The following CTNNA2 variants were observed in gnomAD, a reference collection of about 807,000 sequenced individuals.
CTNNA2 encodes catenin alpha-2.
In CTNNA2, 42 loss-of-function variants were observed where a neutral mutation model predicts 101.0. The ratio of observed to expected loss-of-function variants is 0.42; its 90% CI spans 0.32 to 0.54. CTNNA2 has a LOEUF of 0.54. Among genes scored for constraint, CTNNA2 ranks in the 20% least tolerant of loss-of-function variants. The pLI, the probability that CTNNA2 is intolerant of heterozygous loss-of-function variation, is 0.14. For missense variants in CTNNA2, 871 were observed against 1,223.1 expected, an observed-to-expected ratio of 0.71 and a Z score of 4.29; for synonymous variants, 450 against 456.4, an observed-to-expected ratio of 0.99 and a Z score of 0.18.
At position 80,639,925 on chromosome 2, in the gene CTNNA2, A is replaced by AC. The variant is rs1673283562; in HGVS notation, c.2575-7655dup. ...AGACCAGCCTGACCAACATGGTGAA[A>AC]CCCCCATCTCTACTAAAAATACACA... On this transcript the variant is annotated intron_variant, in intron 18 of 18. Coordinates refer to ENST00000402739, the MANE Select transcript of CTNNA2 (RefSeq NM_001282597.3). Among the ~76,000 whole-genome samples, 4 of 151,758 alleles carry AC rather than the reference A, an allele frequency of 2.6e-5. No homozygotes were observed. The South Asian group carries it at 8.3e-4, about 32-fold the overall frequency.
At chr2:79,949,071 A>C (rs2104485244) in intron 7 of CTNNA2, among the ~76,000 whole-genome samples, 1 of 152,328 alleles carries the variant, frequency 6.6e-6, no homozygotes, top group African/African-American at 2.4e-5. Context: ...TATGAGCCAT[A>C]GAAGTTGGAG....
chr2:80,198,566 C>T (rs1706994103), intron 7 of CTNNA2, among the ~76,000 whole-genome samples: 1 of 147,624 alleles, frequency 6.8e-6, no homozygotes, highest in Admixed American at 6.6e-5. Flanking sequence ...GATTTTTTAA[C>T]AGTGTGCTTT....
At chr2:80,398,332 A>G (rs942178991) in intron 8 of CTNNA2, among the ~76,000 whole-genome samples, 2 of 152,206 alleles carry the variant, frequency 1.3e-5, no homozygotes, top group African/African-American at 2.4e-5. Flanking sequence ...TCATAAGGAT[A>G]TGAGGCTATC....
intron 7 of CTNNA2, among the ~76,000 whole-genome samples, chr2:80,014,947 A>G (rs1048105957): frequency 1.3e-5 from 2 of 152,174 alleles, no homozygotes; most frequent in Non-Finnish European, 2.9e-5. Flanking sequence ...GAATCTGGAG[A>G]TGCCATGATG....
intron 18 of CTNNA2, among the ~76,000 whole-genome samples, chr2:80,625,793 G>C (rs920185316): frequency 6.6e-6 from 1 of 151,990 alleles, no homozygotes; most frequent in African/African-American, 2.4e-5. Flanking sequence ...CTATGTGAAA[G>C]CATCTGACTT....
chr2:79,406,987 G>A (rs909472658), intron 4 of CTNNA2, among the ~76,000 whole-genome samples: 2 of 151,978 alleles, frequency 1.3e-5, no homozygotes, highest in African/African-American at 4.8e-5. Flanking sequence ...TTCATTTATA[G>A]GACCTTCTTT....
intron 7 of CTNNA2, chr2:80,304,092 GA>G: frequency 2.7e-6 from 1 of 364,538 alleles, no homozygotes. Context: ...CTGCAGCAAA[GA>G]AAAGGGAGGA....
chr2:79,634,132 G>T (rs555596914), intron 1 of CTNNA2, among the ~76,000 whole-genome samples: 3 of 152,316 alleles, frequency 2.0e-5, no homozygotes, highest in African/African-American at 4.8e-5. Context: ...TTTGGTGGCT[G>T]AGAGGTACAG....
At chr2:79,725,601 C>T (rs1686787817) in intron 2 of CTNNA2, among the ~76,000 whole-genome samples, 1 of 152,180 alleles carries the variant, frequency 6.6e-6, no homozygotes, top group African/African-American at 2.4e-5. Context: ...CATAACTATA[C>T]TCATTCAAGG....
intron 7 of CTNNA2, among the ~76,000 whole-genome samples, chr2:80,086,680 G>A (rs775053817): frequency 6.6e-6 from 1 of 152,022 alleles, no homozygotes; most frequent in African/African-American, 2.4e-5. Context: ...AGGTTATTAA[G>A]TTTATCTATA....
intron 3 of CTNNA2, among the ~76,000 whole-genome samples, chr2:79,372,462 G>A (rs1025666071): frequency 6.6e-6 from 1 of 152,084 alleles, no homozygotes; most frequent in Non-Finnish European, 1.5e-5. Context: ...TATCCTACTC[G>A]AGGTTCTACC....
At chr2:80,016,524 A>T (rs1272931870) in intron 7 of CTNNA2, among the ~76,000 whole-genome samples, 1 of 152,154 alleles carries the variant, frequency 6.6e-6, no homozygotes, top group Non-Finnish European at 1.5e-5. Flanking sequence ...AATATTAACT[A>T]TTTCAGGAAA....
intron 6 of CTNNA2, among the ~76,000 whole-genome samples, chr2:79,885,986 T>A (rs894867263): frequency 1.7e-4 from 26 of 152,224 alleles, no homozygotes; most frequent in Non-Finnish European, 3.2e-4. Context: ...CTAAGATCAT[T>A]CATTCAAAGT....
intron 9 of CTNNA2, among the ~76,000 whole-genome samples, chr2:80,471,718 T>G (rs1685317570): frequency 6.6e-6 from 1 of 152,182 alleles, no homozygotes; most frequent in South Asian, 2.1e-4. Flanking sequence ...CTTATTTACT[T>G]CGATATACCA....
intron 6 of CTNNA2, among the ~76,000 whole-genome samples, chr2:79,883,160 G>C (rs1394467027): frequency 6.6e-6 from 1 of 152,194 alleles, no homozygotes; most frequent in Non-Finnish European, 1.5e-5. Context: ...AATTGAATTT[G>C]AAACACACTT....
Position 80,451,237 on chromosome 2 carries a change from G to T in CTNNA2, c.1290+31636G>T, listed in dbSNP as rs572714709. 4.6e-5 allele frequency among the ~76,000 whole-genome samples: 7 copies of T among 152,194 alleles called. 1 individual carries two copies. The East Asian group carries it at 5.8e-4, about 13-fold the overall frequency. Reference sequence around the variant, plus strand: ...CCATGTCTCCTGGGAAGGACCCACTGGGAGGTTATTGAATCATGAGGGCAG... The same window carrying T: ...CCATGTCTCCTGGGAAGGACCCACTTGGAGGTTATTGAATCATGAGGGCAG... On this transcript the variant is annotated intron_variant, in intron 9 of 18. Coordinates refer to ENST00000402739, the MANE Select transcript of CTNNA2 (RefSeq NM_001282597.3).
intron 7 of CTNNA2, among the ~76,000 whole-genome samples, chr2:79,956,516 T>A (rs1490715110): frequency 1.3e-5 from 2 of 152,042 alleles, no homozygotes; most frequent in Admixed American, 6.5e-5. Context: ...TATTTGAAGG[T>A]TTGGGCAAAA....
chr2:79,315,123 C>T (rs2104403800), intron 3 of CTNNA2, among the ~76,000 whole-genome samples: 1 of 152,188 alleles, frequency 6.6e-6, no homozygotes, highest in South Asian at 2.1e-4. Context: ...CTTCTTCTTC[C>T]TCTCTTTTTC....
At chr2:80,389,421 C>A (rs1677301453) in intron 7 of CTNNA2, among the ~76,000 whole-genome samples, 1 of 152,082 alleles carries the variant, frequency 6.6e-6, no homozygotes, top group Non-Finnish European at 1.5e-5. Context: ...CTTCCTTCCT[C>A]CCTCCTCACT....
Sources: gnomAD v4.1 joint callset for allele counts (sites outside exome capture counted in the v4.1 genomes callset) on GRCh38, gnomAD v4.1.1 for gene constraint, MANE v1.5 for transcripts, NCBI Gene and HGNC (gene_info 2026-07-23, HGNC 2026-07-21) for gene names.